Variants in FHAD1 observed in about 807,000 individuals in gnomAD.
The protein encoded by FHAD1 is forkhead-associated domain-containing protein 1.
Under a neutral mutation model 191.3 loss-of-function variants are expected in FHAD1, and 146 were observed. That is an observed-to-expected ratio of 0.76 (90% confidence interval 0.67 to 0.88). The LOEUF (loss-of-function observed/expected upper bound fraction) is 0.88. Ranked by LOEUF, FHAD1 falls within the 40% of genes least tolerant of loss-of-function variation. The pLI is 0.00. For missense variants in FHAD1, 1,635 were observed against 1,785.8 expected (o/e 0.92, Z 1.52); for synonymous variants, 616 against 672.3 (o/e 0.92, Z 1.29).
chr1:15,290,389 C>T (rs1213312043), intron 4 of FHAD1, among the ~76,000 whole-genome samples: 2 of 152,170 alleles, frequency 1.3e-5, no homozygotes, highest in Non-Finnish European at 2.9e-5. Context: ...AGAGTTCCTC[C>T]CTAGCCTATG....
In FHAD1 at chr1:15,326,932, C is replaced by T. The variant is rs868104685; in HGVS notation, c.1474-127C>T. The T allele has an allele frequency of 1.0e-4, 64 of 622,596 alleles. 2 individuals carry two copies. In the Middle Eastern group the frequency reaches 8.5e-3, roughly 83 times the overall value. The allele number at this position is 622,596 out of a possible 1,614,324, so 38.6% of individuals were successfully genotyped here. A position where few individuals can be genotyped will look rare whatever the true frequency, so the allele number is the denominator to read the frequency against. Reference sequence around the variant, plus strand: ...CCGTGAGCGGTGAAGATTCTGATAACGCGGAATGGTCATTCAGGCGTGCAA... The same window carrying T: ...CCGTGAGCGGTGAAGATTCTGATAATGCGGAATGGTCATTCAGGCGTGCAA... On this transcript the variant is annotated intron_variant, in intron 11 of 33. Transcript: ENST00000688493.
rs556245265 is a variant in FHAD1 at position 15,382,289 on chromosome 1, A to G, written c.4188+96A>G. 48 of 1,259,576 alleles carry G rather than the reference A, an allele frequency of 3.8e-5. 1 individual carries two copies. In the East Asian group the frequency reaches 1.2e-3, roughly 31 times the overall value. The allele number at this position is 1,259,576 out of a possible 1,614,324, so 78.0% of individuals were successfully genotyped here. The stretch of plus-strand genomic sequence containing the variant: ...GGTCCCTGGAGGATCCAGGTAGCAC[A>G]GAACACAGGGATGGATGCAAAGGGA... On this transcript the variant is annotated intron_variant, in intron 31 of 33. Transcript: ENST00000688493.
At chr1:15,264,026 T>C (rs369639886) in intron 2 of FHAD1, among the ~76,000 whole-genome samples, 27 of 152,260 alleles carry the variant, frequency 1.8e-4, no homozygotes, top group African/African-American at 5.8e-4. Context: ...GTGTTTTGAT[T>C]ACCCTATCTT....
At chr1:15,262,108 T>G (rs1434134533) in intron 2 of FHAD1, among the ~76,000 whole-genome samples, 1 of 152,136 alleles carries the variant, frequency 6.6e-6, no homozygotes, top group Non-Finnish European at 1.5e-5. Flanking sequence ...GTCAGTCCTT[T>G]GAGGTAGAGC....
chr1:15,264,546 A>ATGTGTGTG (rs1207632506), intron 2 of FHAD1, among the ~76,000 whole-genome samples: 2 of 126,958 alleles, frequency 1.6e-5, no homozygotes, highest in Non-Finnish European at 3.4e-5. Context: ...TTATATGTAT[A>ATGTGTGTG]TATGTGTGTG....
chr1:15,310,751 A>T (rs1376586435), intron 7 of FHAD1, among the ~76,000 whole-genome samples: 2 of 152,172 alleles, frequency 1.3e-5, no homozygotes. Flanking sequence ...AGTGACAAAC[A>T]GTCCCCCAAG....
At chr1:15,332,294 T>C (rs1681993496) in intron 14 of FHAD1, among the ~76,000 whole-genome samples, 1 of 151,952 alleles carries the variant, frequency 6.6e-6, no homozygotes, top group South Asian at 2.1e-4. Context: ...ACAAAGACCA[T>C]GATCTCCATC....
rs1255060733 is a variant in FHAD1, at chr1:15,325,574, G to A, written c.1473+1015G>A. ...ACCGCCAGCACCATTTCTCCTGTGG[G>A]GGCGCCAGCCCCTTATCAAGGGCAG... On this transcript the variant is annotated intron_variant, in intron 11 of 33. Transcript: ENST00000688493. The surrounding 1 kb of genome is among the most constrained non-coding windows in gnomAD (Gnocchi z 4.6). 1 of 152,762 alleles carries A rather than the reference G, an allele frequency of 6.5e-6. No homozygotes were observed. The highest frequency in any genetic ancestry group is 6.5e-5 in the Admixed American group (1 of 15,280). The allele number at this position is 152,762 out of a possible 1,614,324, so 9.5% of individuals were successfully genotyped here.
chr1:15,294,262 C>T (rs886565873), intron 4 of FHAD1, among the ~76,000 whole-genome samples: 10 of 149,266 alleles, frequency 6.7e-5, no homozygotes, highest in Admixed American at 2.0e-4. Context: ...TGCCTTTAGA[C>T]CATTGCTTTG....
At chr1:15,357,641 A>AG (rs1394756401) in intron 20 of FHAD1, 1 of 150,024 alleles carries the variant, frequency 6.7e-6, no homozygotes, top group African/African-American at 2.5e-5. Flanking sequence ...AAAAAAAAAA[A>AG]AAAAAAGGAG....
chr1:15,388,293 T>TCCTTC (rs1553123429), intron 32 of FHAD1, 162 bp downstream of exon 32: 2 of 203,790 alleles, frequency 9.8e-6, no homozygotes, highest in Admixed American at 1.1e-4. Flanking sequence ...CCTCCCTCCC[T>TCCTTC]CCTTCCCTTC....
chr1:15,385,396 T>C (rs1209863806), intron 31 of FHAD1, among the ~76,000 whole-genome samples: 4 of 150,938 alleles, frequency 2.7e-5, no homozygotes, highest in Non-Finnish European at 5.9e-5. Context: ...ATTACTCACC[T>C]TGAGTTTCAG....
At chr1:15,361,348 A>G (rs1490009606) in intron 22 of FHAD1, among the ~76,000 whole-genome samples, 1 of 152,148 alleles carries the variant, frequency 6.6e-6, no homozygotes, top group Non-Finnish European at 1.5e-5. Context: ...TCCTCCATCC[A>G]TCAGTTGCCA....
intron 2 of FHAD1, among the ~76,000 whole-genome samples, chr1:15,256,864 T>C (rs1337777774): frequency 6.6e-6 from 1 of 152,128 alleles, no homozygotes; most frequent in Non-Finnish European, 1.5e-5. Flanking sequence ...TGCTCATGCC[T>C]GCCCCTCTGC....
intron 10 of FHAD1, among the ~76,000 whole-genome samples, chr1:15,322,443 C>T (rs1002117373): frequency 5.8e-4 from 88 of 152,208 alleles, no homozygotes; most frequent in African/African-American, 2.0e-3. Context: ...GGAGTCAAAG[C>T]ATAGAGTCAA....
rs1688524404 is a variant in FHAD1 at position 15,345,478 on chromosome 1, G to A, written c.2301G>A (p.Gln767=). 3 of 1,552,142 alleles carry A rather than the reference G, an allele frequency of 1.9e-6. No homozygotes were observed. Among genetic ancestry groups the A allele is most frequent in the Non-Finnish European group, 2.6e-6 (3 of 1,147,128 alleles). The part of the protein sequence containing the change: ...NRVKEALEEE[Q]TRVQELEERL... ...TGAAGGAAGCATTAGAGGAAGAGCA[G>A]ACAAGAGTCCAAGAGCTGGAGGAAC... The change falls in exon 18 of 34, where the codon CAG becomes CAA. Residue 767 remains glutamine (Q), a synonymous_variant. Transcript: ENST00000688493.
chr1:15,336,538 C>T (rs759824047), intron 14 of FHAD1, among the ~76,000 whole-genome samples: 2 of 152,150 alleles, frequency 1.3e-5, no homozygotes, highest in African/African-American at 2.4e-5. Flanking sequence ...CTTTCTTTGG[C>T]GTCAGCGGCC....
intron 2 of FHAD1, among the ~76,000 whole-genome samples, chr1:15,259,650 G>A (rs935415732): frequency 2.6e-5 from 4 of 152,174 alleles, no homozygotes; most frequent in Non-Finnish European, 4.4e-5. Flanking sequence ...GATCCTCATC[G>A]ATGCAACAAA....
chr1:15,360,773 C>A, intron 22 of FHAD1, 70 bp downstream of exon 22: 1 of 1,278,140 alleles, frequency 7.8e-7, no homozygotes, highest in Non-Finnish European at 1.1e-6. Flanking sequence ...TGGGTCCCAA[C>A]AGGCTGATGG....
Sources: allele counts gnomAD v4.1 joint callset (sites outside exome capture counted in the v4.1 genomes callset), GRCh38; gene constraint gnomAD v4.1.1; non-coding constraint Gnocchi (gnomAD v3.1); transcripts MANE v1.5; gene names NCBI Gene and HGNC (gene_info 2026-07-23, HGNC 2026-07-21).